CFAP299: variants seen among roughly 807,000 people sequenced by gnomAD.
The protein encoded by CFAP299 is cilia- and flagella-associated protein 299.
A neutral mutation model predicts 27.0 loss-of-function variants in CFAP299; 21 were observed. The observed-to-expected ratio is 0.78, with a 90% CI of 0.55 to 1.12. The LOEUF is 1.12. Ranked by LOEUF, CFAP299 falls within the 50% of genes most tolerant of loss-of-function variation. The pLI is 0.00. For synonymous variants in CFAP299, 104 were observed against 98.1 expected, an observed-to-expected ratio of 1.06 and a Z score of -0.36; for missense variants, 310 against 276.6, an observed-to-expected ratio of 1.12 and a Z score of -0.86.
chr4:80,362,928 G>C, intron 2 of CFAP299, 44 bp downstream of exon 2: 1 of 1,550,664 alleles, frequency 6.4e-7, no homozygotes. Flanking sequence ...TTATATTCTA[G>C]ACCTCTGGAG....
In CFAP299 at chr4:80,813,969, T is replaced by C. The variant is rs79403363; in HGVS notation, c.334-56024T>C. Among the ~76,000 whole-genome samples the C allele has an allele frequency of 8.7e-3, 1,320 of 152,196 alleles. 14 individuals are homozygous for C. Among genetic ancestry groups the C allele is most frequent in the Non-Finnish European group, 0.014 (971 of 67,944 alleles). Reference sequence around the variant, plus strand: ...GTAAATAAAGAATGTCTGAGTTTTTTCTTTTCTAGCTAATAAATTATGTTT... The same window carrying C: ...GTAAATAAAGAATGTCTGAGTTTTTCCTTTTCTAGCTAATAAATTATGTTT... On this transcript the variant is annotated intron_variant, in intron 3 of 5. Coordinates refer to ENST00000358105, the MANE Select transcript of CFAP299 (RefSeq NM_152770.3).
At chr4:80,372,553 C>A (rs573281439) in intron 2 of CFAP299, among the ~76,000 whole-genome samples, 18 of 152,316 alleles carry the variant, frequency 1.2e-4, no homozygotes, top group Non-Finnish European at 2.4e-4. Context: ...TTTATTATAG[C>A]AGTCCTAGAG....
chr4:80,478,412 A>G (rs1265821176), intron 2 of CFAP299, among the ~76,000 whole-genome samples: 1 of 152,138 alleles, frequency 6.6e-6, no homozygotes, highest in Non-Finnish European at 1.5e-5. Flanking sequence ...ATAAATTGAA[A>G]TTTAAAAATT....
At chr4:80,536,283 G>A (rs1733734686) in intron 2 of CFAP299, among the ~76,000 whole-genome samples, 1 of 152,122 alleles carries the variant, frequency 6.6e-6, no homozygotes, top group Non-Finnish European at 1.5e-5. Context: ...AAGTCACTAA[G>A]TGGTTTCCAG....
At chr4:80,902,586 TACACACACACACACACACAC>T (rs3038572) in intron 4 of CFAP299, among the ~76,000 whole-genome samples, 2 of 126,668 alleles carry the variant, frequency 1.6e-5, no homozygotes, top group African/African-American at 5.9e-5. Flanking sequence ...ATGTAATATA[TACACACACACACACACACAC>T]ACACACACAC....
At chr4:80,829,471 T>C (rs1730179000) in intron 3 of CFAP299, among the ~76,000 whole-genome samples, 1 of 152,064 alleles carries the variant, frequency 6.6e-6, no homozygotes, top group Admixed American at 6.6e-5. Context: ...TGTGCATTGT[T>C]AGTGCAAATG....
intron 3 of CFAP299, among the ~76,000 whole-genome samples, chr4:80,714,603 T>C (rs757813674): frequency 2.6e-5 from 4 of 152,156 alleles, no homozygotes; most frequent in Admixed American, 6.6e-5. Flanking sequence ...ACTTTGAGAA[T>C]AGACCTGGAG....
intron 3 of CFAP299, among the ~76,000 whole-genome samples, chr4:80,811,826 T>C (rs1325946243): frequency 7.3e-5 from 11 of 151,342 alleles, no homozygotes; most frequent in Admixed American, 7.2e-4. Flanking sequence ...AGAGAAAAGA[T>C]AGAAAAGCAC....
chr4:80,568,511 A>G (rs1735423214), intron 2 of CFAP299, among the ~76,000 whole-genome samples: 1 of 152,136 alleles, frequency 6.6e-6, no homozygotes, highest in Non-Finnish European at 1.5e-5. Context: ...TGAAAGAGAG[A>G]TGACAGTCAA....
chr4:80,892,633 A>G (rs1238307832), intron 4 of CFAP299, among the ~76,000 whole-genome samples: 1 of 152,204 alleles, frequency 6.6e-6, no homozygotes, highest in African/African-American at 2.4e-5. Flanking sequence ...TAAAAATTGT[A>G]TGATTATCTC....
At chr4:80,645,167 C>G (rs939184217) in intron 3 of CFAP299, among the ~76,000 whole-genome samples, 121 of 152,218 alleles carry the variant, frequency 7.9e-4, no homozygotes, top group African/African-American at 2.8e-3. Flanking sequence ...AATGTTTACC[C>G]TCTTAATGAA....
intron 2 of CFAP299, among the ~76,000 whole-genome samples, chr4:80,458,644 T>C (rs1729287611): frequency 6.6e-6 from 1 of 152,166 alleles, no homozygotes; most frequent in South Asian, 2.1e-4. Flanking sequence ...GACTTCTGCA[T>C]GGAAAGTCCC....
chr4:80,429,632 G>A (rs551766811), intron 2 of CFAP299, among the ~76,000 whole-genome samples: 56 of 152,092 alleles, frequency 3.7e-4, no homozygotes, highest in African/African-American at 1.3e-3. Context: ...TCTGAAATTT[G>A]ATATTAAGAA....
intron 3 of CFAP299, among the ~76,000 whole-genome samples, chr4:80,799,582 ATATAT>A (rs1356007995): frequency 2.4e-5 from 1 of 42,332 alleles, no homozygotes; most frequent in African/African-American, 9.0e-5. Flanking sequence ...TATTTATAAA[ATATAT>A]TATATAAAAT....
chr4:80,744,646 A>G (rs895585802), intron 3 of CFAP299, among the ~76,000 whole-genome samples: 6 of 151,984 alleles, frequency 3.9e-5, no homozygotes, highest in Non-Finnish European at 5.9e-5. Context: ...TACCCAGCGT[A>G]CAAATTATTA....
chr4:80,581,910 C>A (rs1219669024), intron 2 of CFAP299, among the ~76,000 whole-genome samples: 1 of 151,834 alleles, frequency 6.6e-6, no homozygotes, highest in East Asian at 1.9e-4. Context: ...CAAACCTTCC[C>A]TGAAAGGGGT....
the CFAP299 span, among the ~76,000 whole-genome samples, chr4:80,328,694 C>T: frequency 1.3e-5 from 2 of 152,146 alleles, no homozygotes; most frequent in African/African-American, 2.4e-5. Context: ...AAATCCTGTG[C>T]TTTGTTCCAG....
At position 80,645,960 on chromosome 4, in the gene CFAP299, TTC is replaced by T. The variant is rs1302003027; in HGVS notation, c.333+62782_333+62783del. On this transcript the variant is annotated intron_variant, in intron 3 of 5. Transcript: ENST00000358105. Reference sequence around the variant, plus strand: ...AACTTGTGCTTTGCTGTGACTGAATTTCTCTCAGTTTGAAAAATTTGACATTT... The same window carrying T: ...AACTTGTGCTTTGCTGTGACTGAATTTCTCAGTTTGAAAAATTTGACATTT... 3.9e-5 allele frequency among the ~76,000 whole-genome samples: 6 copies of T among 152,344 alleles called. 1 individual carries two copies. The highest frequency in any genetic ancestry group is 1.4e-4 in the African/African-American group (6 of 41,586).
chr4:80,700,336 TTAA>T (rs1721396641), intron 3 of CFAP299, among the ~76,000 whole-genome samples: 1 of 152,168 alleles, frequency 6.6e-6, no homozygotes, highest in South Asian at 2.1e-4. Context: ...TGAATGGCAC[TTAA>T]TAAACATTTA....
Sources: gnomAD v4.1 joint callset for allele counts (sites outside exome capture counted in the v4.1 genomes callset) on GRCh38, gnomAD v4.1.1 for gene constraint, MANE v1.5 for transcripts, NCBI Gene and HGNC (gene_info 2026-07-23, HGNC 2026-07-21) for gene names.